ASTN2: variants seen among roughly 807,000 people sequenced by gnomAD.
ASTN2 encodes astrotactin 2, also known as astrotactin-2.
A neutral mutation model predicts 139.8 loss-of-function variants in ASTN2; 54 were observed. The observed-to-expected ratio is 0.39, with a 90% confidence interval of 0.31 to 0.48. ASTN2 has a LOEUF of 0.48. ASTN2 is among the 20% of genes least tolerant of loss of function. ASTN2 has a pLI of 0.95. For synonymous variants in ASTN2, 756 were observed against 719.5 expected (o/e 1.05, Z -0.81); for missense variants, 1,565 against 1,725.1 (o/e 0.91, Z 1.64).
At chr9:116,576,252 G>C (rs1853718345) in intron 19 of ASTN2, among the ~76,000 whole-genome samples, 1 of 152,136 alleles carries the variant, frequency 6.6e-6, no homozygotes, top group Non-Finnish European at 1.5e-5. Flanking sequence ...CACTGACTAG[G>C]CATACGACCT....
At chr9:116,561,596 A>G (rs1007843939) in intron 19 of ASTN2, among the ~76,000 whole-genome samples, 5 of 152,182 alleles carry the variant, frequency 3.3e-5, no homozygotes, top group African/African-American at 1.2e-4. Flanking sequence ...AGAAAGACAC[A>G]AATAAAATGA....
In ASTN2 at chr9:116,937,812, C is replaced by A. The variant is rs540868616; in HGVS notation, c.1889+37396G>T. On this transcript the variant is annotated intron_variant, in intron 10 of 22. Transcript: ENST00000313400. Reference sequence around the variant, plus strand: ...ATATGTGTTAGTTTTTACTGAATTGCCAAGCAACATGCTGCCCTCATCTGC... The same window carrying A: ...ATATGTGTTAGTTTTTACTGAATTGACAAGCAACATGCTGCCCTCATCTGC... 1.6e-4 allele frequency among the ~76,000 whole-genome samples: 24 copies of A among 152,246 alleles called. No individual in the cohort carries two copies. In the South Asian group the frequency reaches 5.0e-3, roughly 32 times the overall value.
At chr9:116,909,416 C>A (rs940778394) in intron 10 of ASTN2, among the ~76,000 whole-genome samples, 1 of 152,146 alleles carries the variant, frequency 6.6e-6, no homozygotes, top group Admixed American at 6.5e-5. Flanking sequence ...AAGGATAACT[C>A]CAAGTGTTTT....
chr9:117,171,164 A>AAAAAGAAAAG lies in ASTN2; in HGVS notation c.1016-29696_1016-29687dup, dbSNP rs59039654. On this transcript the variant is annotated intron_variant, in intron 3 of 22. Transcript: ENST00000313400. ...CTAGAAACAAACAAAGGCAAAAGAA[A>AAAAAGAAAAG]AAAAGAAAAGAAAAGAAAAAATATT... 9.2e-4 allele frequency among the ~76,000 whole-genome samples: 139 copies of AAAAAGAAAAG among 150,986 alleles called. No homozygotes were observed. The East Asian group carries it at 0.018, about 19-fold the overall frequency.
intron 1 of ASTN2, among the ~76,000 whole-genome samples, chr9:117,350,314 C>T (rs868165078): frequency 1.5e-4 from 23 of 151,938 alleles, no homozygotes; most frequent in South Asian, 8.3e-4. Context: ...TTTGGGAGGC[C>T]GAGGTGGGTG....
intron 10 of ASTN2, among the ~76,000 whole-genome samples, chr9:116,959,232 C>A (rs1035747087): frequency 3.3e-5 from 5 of 152,028 alleles, no homozygotes; most frequent in African/African-American, 1.2e-4. Flanking sequence ...GTGTGCCAAG[C>A]CCTAATGGAT....
Position 117,008,378 on chromosome 9 carries a change from T to A in ASTN2, c.1424-119A>T, listed in dbSNP as rs1222987394. 6.8e-6 allele frequency: 6 copies of A among 882,890 alleles called. No homozygotes were observed. The East Asian group carries it at 1.8e-4, about 27-fold the overall frequency. 54.7% of individuals were successfully genotyped at this position (882,890 alleles called of 1,614,324 possible). ...CCCAGGTCATCTGATCTCATTTGTC[T>A]AAGTGCACTTGCAATGTGCCCGTCA... On this transcript the variant is annotated intron_variant, in intron 6 of 22. Coordinates refer to ENST00000313400, the MANE Select transcript of ASTN2 (RefSeq NM_001365068.1).
chr9:116,706,548 C>A (rs1827992227), intron 16 of ASTN2, among the ~76,000 whole-genome samples: 2 of 152,072 alleles, frequency 1.3e-5, no homozygotes, highest in African/African-American at 4.8e-5. Flanking sequence ...TCTGTAAAAG[C>A]CTCGTGTGAG....
intron 1 of ASTN2, among the ~76,000 whole-genome samples, chr9:117,301,897 C>T (rs554739566): frequency 6.6e-6 from 1 of 152,036 alleles, no homozygotes; most frequent in South Asian, 2.1e-4. Flanking sequence ...ACTGGCCTCA[C>T]ATGAAAGAAT....
chr9:116,904,558 TAA>T (rs1834104959), intron 10 of ASTN2, among the ~76,000 whole-genome samples: 1 of 152,126 alleles, frequency 6.6e-6, no homozygotes, highest in African/African-American at 2.4e-5. Context: ...TCTTCATCTG[TAA>T]AAGAGGAATA....
intron 3 of ASTN2, among the ~76,000 whole-genome samples, chr9:117,156,521 G>A (rs1014883983): frequency 6.6e-6 from 1 of 151,986 alleles, no homozygotes; most frequent in Non-Finnish European, 1.5e-5. Context: ...CCCAAGCTGT[G>A]ACAATGAAGA....
intron 13 of ASTN2, among the ~76,000 whole-genome samples, chr9:116,757,821 G>A (rs1250302835): frequency 6.6e-6 from 1 of 152,118 alleles, no homozygotes; most frequent in Non-Finnish European, 1.5e-5. Flanking sequence ...ATCATCTTCT[G>A]AGCCTTCAGT....
chr9:117,378,774 CTTAGATATGTT>C (rs1158163707), intron 1 of ASTN2, among the ~76,000 whole-genome samples: 2 of 152,164 alleles, frequency 1.3e-5, no homozygotes, highest in Non-Finnish European at 2.9e-5. Flanking sequence ...GTAAATATGT[CTTAGATATGTT>C]TTAGATCTGT....
At chr9:116,946,936 C>CAAAAAAAAAA (rs3983292) in intron 10 of ASTN2, among the ~76,000 whole-genome samples, 4 of 127,938 alleles carry the variant, frequency 3.1e-5, no homozygotes, top group African/African-American at 9.2e-5. Context: ...ACATTTTTGT[C>CAAAAAAAAAA]AAAAAAAAAA....
chr9:116,434,825 G>C (rs543756120), intron 22 of ASTN2, among the ~76,000 whole-genome samples: 2 of 152,146 alleles, frequency 1.3e-5, no homozygotes, highest in Non-Finnish European at 2.9e-5. Flanking sequence ...ACCTGTGGTC[G>C]TAAGAACCAG....
At chr9:116,607,315 A>C (rs1855257219) in intron 19 of ASTN2, among the ~76,000 whole-genome samples, 1 of 152,160 alleles carries the variant, frequency 6.6e-6, no homozygotes, top group Non-Finnish European at 1.5e-5. Flanking sequence ...AAGATTCATC[A>C]TCTTGTATCT....
At chr9:116,874,568 G>A (rs1833248100) in intron 10 of ASTN2, among the ~76,000 whole-genome samples, 1 of 152,300 alleles carries the variant, frequency 6.6e-6, no homozygotes, top group Middle Eastern at 3.4e-3. Flanking sequence ...TCACAGAATT[G>A]TGGGTCAGAA....
intron 1 of ASTN2, among the ~76,000 whole-genome samples, chr9:117,400,758 G>A (rs1437906321): frequency 6.6e-6 from 1 of 152,016 alleles, no homozygotes; most frequent in Admixed American, 6.5e-5. Flanking sequence ...TCTCCCTCCT[G>A]GGCTCCTAGG....
intron 6 of ASTN2, among the ~76,000 whole-genome samples, chr9:117,013,399 G>A (rs1377919765): frequency 2.6e-5 from 4 of 151,508 alleles, no homozygotes; most frequent in African/African-American, 4.9e-5. Flanking sequence ...TCTCCCCAGA[G>A]AGCAATGACT....
Sources: allele counts gnomAD v4.1 joint callset (sites outside exome capture counted in the v4.1 genomes callset), GRCh38; gene constraint gnomAD v4.1.1; transcripts MANE v1.5; gene names NCBI Gene and HGNC (gene_info 2026-07-23, HGNC 2026-07-21).